The following CDYL2 variants were observed in gnomAD, a reference collection of about 807,000 sequenced individuals.
The protein encoded by CDYL2 is chromodomain Y like 2, also known as chromodomain Y-like protein 2.
In CDYL2, 23 loss-of-function variants were observed where a neutral mutation model predicts 49.4. The observed-to-expected ratio is 0.47, with a 90% CI of 0.34 to 0.66. The LOEUF (loss-of-function observed/expected upper bound fraction) is 0.66, where lower values mean the gene tolerates loss of function less well. Ranked by LOEUF, CDYL2 falls within the 30% of genes least tolerant of loss-of-function variation. The probability of loss-of-function intolerance (pLI) is 0.01; values close to 1 mark genes in which losing one functional copy is unlikely to be tolerated. For missense variants in CDYL2, 678 were observed against 656.4 expected (o/e 1.03, Z -0.36); for synonymous variants, 360 against 268.8 (o/e 1.34, Z -3.32).
At chr16:80,756,569 G>C (rs1906316972) in intron 1 of CDYL2, among the ~76,000 whole-genome samples, 1 of 152,028 alleles carries the variant, frequency 6.6e-6, no homozygotes, top group Non-Finnish European at 1.5e-5. Flanking sequence ...AGGTGAATTT[G>C]AAAAGGCTGT....
At chr16:80,684,451 G>A in intron 2 of CDYL2, 87 bp downstream of exon 2, 1 of 1,219,046 alleles carries the variant, frequency 8.2e-7, no homozygotes, top group Non-Finnish European at 1.2e-6. Flanking sequence ...ATGGAGGTGG[G>A]GGTCTTATGT....
intron 1 of CDYL2, among the ~76,000 whole-genome samples, chr16:80,790,098 A>T (rs1482539156): frequency 6.6e-6 from 1 of 152,256 alleles, no homozygotes; most frequent in Non-Finnish European, 1.5e-5. Flanking sequence ...TTTTACAATT[A>T]TTATGAAGCA....
chr16:80,789,368 C>T (rs1010147409), intron 1 of CDYL2, among the ~76,000 whole-genome samples: 10 of 152,066 alleles, frequency 6.6e-5, no homozygotes, highest in Admixed American at 3.3e-4. Flanking sequence ...TTTGGAAGGC[C>T]GAGGGGGTGG....
intron 1 of CDYL2, among the ~76,000 whole-genome samples, chr16:80,798,617 CT>C (rs1351975131): frequency 6.6e-6 from 1 of 152,076 alleles, no homozygotes; most frequent in African/African-American, 2.4e-5. Context: ...TGTTCATCAA[CT>C]GTTTATGTTA....
At chr16:80,624,030 CTG>C (rs1907198227) in intron 3 of CDYL2, among the ~76,000 whole-genome samples, 2 of 152,210 alleles carry the variant, frequency 1.3e-5, no homozygotes, top group South Asian at 4.1e-4. Flanking sequence ...CCCTCCAAGT[CTG>C]TGTACTGACT....
intron 5 of CDYL2, among the ~76,000 whole-genome samples, chr16:80,608,749 G>A (rs1337617462): frequency 2.6e-5 from 4 of 152,100 alleles, no homozygotes; most frequent in Admixed American, 6.5e-5. Flanking sequence ...GCTGTGTCCC[G>A]GCCTGTGGAG....
intron 2 of CDYL2, among the ~76,000 whole-genome samples, chr16:80,678,565 C>A (rs1250380738): frequency 6.6e-6 from 1 of 151,744 alleles, no homozygotes; most frequent in Admixed American, 6.6e-5. Flanking sequence ...CAATGAGATA[C>A]CATCTCACAC....
chr16:80,742,142 A>T (rs998436469), intron 1 of CDYL2: 12 of 152,254 alleles, frequency 7.9e-5, no homozygotes, highest in African/African-American at 2.7e-4. Flanking sequence ...ATCCAAGGTC[A>T]CACAATACGA....
At chr16:80,621,288 T>G (rs1473699062) in intron 3 of CDYL2, among the ~76,000 whole-genome samples, 2 of 152,240 alleles carry the variant, frequency 1.3e-5, no homozygotes, top group African/African-American at 4.8e-5. Flanking sequence ...CTTTACAAGA[T>G]GTGGAAAAAA....
intron 1 of CDYL2, among the ~76,000 whole-genome samples, chr16:80,729,818 C>G (rs1241898632): frequency 1.3e-5 from 2 of 152,132 alleles, no homozygotes; most frequent in African/African-American, 4.8e-5. Flanking sequence ...CACTCAACTA[C>G]ATGGAAACTG....
At chr16:80,760,044 A>G (rs1180272204) in intron 1 of CDYL2, among the ~76,000 whole-genome samples, 1 of 152,198 alleles carries the variant, frequency 6.6e-6, no homozygotes, top group East Asian at 1.9e-4. Context: ...ATTTTAAGAA[A>G]ATGGCGAAAA....
chr16:80,642,982 T>G (rs1207650784), intron 2 of CDYL2, among the ~76,000 whole-genome samples: 4 of 152,272 alleles, frequency 2.6e-5, no homozygotes, highest in African/African-American at 9.6e-5. Context: ...CCCAAAGTTT[T>G]AACTCATTTC....
intron 1 of CDYL2, among the ~76,000 whole-genome samples, chr16:80,794,598 ATTTTTTTTTTTTTTTT>A (rs966789395): frequency 3.0e-5 from 2 of 66,830 alleles, no homozygotes; most frequent in African/African-American, 6.0e-5. Context: ...ATTCCCAGTG[ATTTTTTTTTTTTTTTT>A]TTTTTTTTTT....
intron 2 of CDYL2, among the ~76,000 whole-genome samples, chr16:80,660,556 G>C (rs964391940): frequency 3.3e-5 from 5 of 152,132 alleles, no homozygotes; most frequent in African/African-American, 1.2e-4. Flanking sequence ...ATAGGAATGA[G>C]AGAGGGAACA....
At chr16:80,769,971 T>A (rs1039727784) in intron 1 of CDYL2, among the ~76,000 whole-genome samples, 14 of 152,192 alleles carry the variant, frequency 9.2e-5, no homozygotes, top group Non-Finnish European at 5.9e-5. Flanking sequence ...ATTTTTCTGC[T>A]CATTTATATT....
At chr16:80,664,399 G>A (rs1909174799) in intron 2 of CDYL2, among the ~76,000 whole-genome samples, 4 of 152,170 alleles carry the variant, frequency 2.6e-5, no homozygotes, top group Admixed American at 2.6e-4. Flanking sequence ...GCCGGGAACA[G>A]CCCATCCCCA....
chr16:80,734,492 G>C (rs536554510), intron 1 of CDYL2, among the ~76,000 whole-genome samples: 4 of 151,704 alleles, frequency 2.6e-5, no homozygotes, highest in Non-Finnish European at 5.9e-5. Flanking sequence ...ATCTAGAGTA[G>C]CTGTAATTAG....
rs138195181 is a variant in CDYL2, at chr16:80,789,839, T to A, written c.24+14311A>T. Among the ~76,000 whole-genome samples the A allele has an allele frequency of 1.6e-3, 246 of 152,282 alleles. 1 individual carries two copies. Among genetic ancestry groups the A allele is most frequent in the African/African-American group, 5.7e-3 (238 of 41,546 alleles). The stretch of plus-strand genomic sequence containing the variant: ...AAAATCAAATACTGTATGTTCTCAC[T>A]TGTAGATGAGACATAAACAAAGGGT... On this transcript the variant is annotated intron_variant, in intron 1 of 6. Coordinates refer to ENST00000570137, the MANE Select transcript of CDYL2 (RefSeq NM_152342.4).
intron 1 of CDYL2, among the ~76,000 whole-genome samples, chr16:80,708,807 T>C (rs1904491652): frequency 6.6e-6 from 1 of 152,218 alleles, no homozygotes; most frequent in African/African-American, 2.4e-5. Flanking sequence ...TAGTTCAGGT[T>C]GTTCTCAGTT....
Sources: gnomAD v4.1 joint callset for allele counts (sites outside exome capture counted in the v4.1 genomes callset) on GRCh38, gnomAD v4.1.1 for gene constraint, MANE v1.5 for transcripts, NCBI Gene and HGNC (gene_info 2026-07-23, HGNC 2026-07-21) for gene names.